The following UHRF2 variants were observed in gnomAD, a reference collection of about 807,000 sequenced individuals.
UHRF2 encodes ubiquitin like with PHD and ring finger domains 2.
In UHRF2, 23 loss-of-function variants were observed where a neutral mutation model predicts 96.8. That is an observed-to-expected ratio of 0.24 (90% confidence interval 0.17 to 0.34). The LOEUF is 0.34. Ranked by LOEUF, UHRF2 falls within the 10% of genes least tolerant of loss-of-function variation. UHRF2 has a pLI of 1.00. For missense variants in UHRF2, 685 were observed against 981.5 expected, an observed-to-expected ratio of 0.70 and a Z score of 4.04; for synonymous variants, 385 against 332.6, an observed-to-expected ratio of 1.16 and a Z score of -1.72.
chr9:6,428,569 T>A, intron 2 of UHRF2, among the ~76,000 whole-genome samples: 1 of 100,832 alleles, frequency 9.9e-6, no homozygotes, highest in East Asian at 3.4e-4. Context: ...TTTTTTTTTT[T>A]TTGAACGATC....
chr9:6,464,727 A>G (rs914557405), intron 4 of UHRF2, among the ~76,000 whole-genome samples: 21 of 152,130 alleles, frequency 1.4e-4, no homozygotes, highest in Non-Finnish European at 2.6e-4. Flanking sequence ...ATATTTGGTG[A>G]ATCCTTTTGA....
intron 3 of UHRF2, among the ~76,000 whole-genome samples, chr9:6,435,264 G>GA (rs1391775286): frequency 6.6e-6 from 1 of 152,080 alleles, no homozygotes; most frequent in Non-Finnish European, 1.5e-5. Context: ...AAAGTGCTGG[G>GA]ATTACAGGCG....
Position 6,481,695 on chromosome 9 carries a change from A to G in UHRF2, c.1213A>G (p.Arg405Gly). The stretch of plus-strand genomic sequence containing the variant: ...CAGTGAAGTTGTAAAGGCTGGTGAA[A>G]GACTCAAGATGAGTAAAAAGAAAGC... ...DSSEVVKAGE[R>G]LKMSKKKAKM... Residue 405 changes from arginine to glycine, a missense_variant, in exon 7 of 16, where the codon AGA becomes GGA. Physicochemically the swap from Arg to Gly is moderately radical, Grantham distance 125. This residue lies in a region of UHRF2 where 391 missense variants were observed against 437.0 expected (regional missense o/e 0.89). Transcript: ENST00000276893. 1 of 1,613,902 alleles carries G rather than the reference A, an allele frequency of 6.2e-7. No homozygotes were observed. Among genetic ancestry groups the G allele is most frequent in the Non-Finnish European group, 8.5e-7 (1 of 1,179,868 alleles).
At chr9:6,492,894 A>C (rs989660066) in intron 9 of UHRF2, 5 of 141,088 alleles carry the variant, frequency 3.5e-5, no homozygotes, top group African/African-American at 1.1e-4. Flanking sequence ...AGATTTTTCA[A>C]ATTTTTTCCA....
Position 6,413,420 on chromosome 9 carries a change from G to A in UHRF2, c.-71G>A. On this transcript the variant is annotated 5_prime_UTR_variant, in exon 1 of 16. Transcript: ENST00000276893. Reference sequence around the variant, plus strand: ...GCCCGAGCCGCAGGGAAAGCGGCGCGGGCCGGGCGGGGCGCGGCGCCCAGA... The same window carrying A: ...GCCCGAGCCGCAGGGAAAGCGGCGCAGGCCGGGCGGGGCGCGGCGCCCAGA... The A allele has an allele frequency of 7.7e-7, 1 of 1,297,572 alleles. No homozygotes were observed. The allele number at this position is 1,297,572 out of a possible 1,614,324, so 80.4% of individuals were successfully genotyped here.
chr9:6,429,625 C>T (rs1258632144), intron 2 of UHRF2, among the ~76,000 whole-genome samples: 1 of 152,166 alleles, frequency 6.6e-6, no homozygotes, highest in Non-Finnish European at 1.5e-5. Context: ...GCCACTGCAC[C>T]CGGGCTATAC....
chr9:6,442,195 C>A (rs1821207662), intron 3 of UHRF2, among the ~76,000 whole-genome samples: 2 of 152,252 alleles, frequency 1.3e-5, no homozygotes, highest in South Asian at 4.1e-4. Flanking sequence ...AAACTCCTGA[C>A]CTCAAGTGAT....
rs1322211634 is a variant in UHRF2 at position 6,422,736 on chromosome 9, A to G, written c.384+1594A>G. On this transcript the variant is annotated intron_variant, in intron 2 of 15. Transcript: ENST00000276893. ...GTGATCTTCCTGCTCGGCCTCCCAA[A>G]GTGCTGGGATACAGGCGTGAGCCAC... is the stretch of plus-strand genomic sequence containing the variant. 9 of 508,412 alleles carry G rather than the reference A, an allele frequency of 1.8e-5. No homozygotes were observed. The East Asian group carries it at 2.7e-4, about 15-fold the overall frequency. The allele number at this position is 508,412 out of a possible 1,614,324, so 31.5% of individuals were successfully genotyped here.
rs1332369553 is a variant in UHRF2 at position 6,433,906 on chromosome 9, T to C, written c.385-8T>C. Reference sequence around the variant, plus strand: ...AAGCTTCATTAACTGATTTTAAACTTTTTTTAGGTAAATGAATTGGTGGAT... The same window carrying C: ...AAGCTTCATTAACTGATTTTAAACTCTTTTTAGGTAAATGAATTGGTGGAT... On this transcript the variant is annotated splice_region_variant and splice_polypyrimidine_tract_variant and intron_variant, in intron 2 of 15. Transcript: ENST00000276893. The C allele has an allele frequency of 6.3e-7, 1 of 1,597,856 alleles. No individual in the cohort carries two copies. The highest frequency in any genetic ancestry group is 8.6e-7 in the Non-Finnish European group (1 of 1,168,924).
intron 4 of UHRF2, among the ~76,000 whole-genome samples, chr9:6,461,610 G>C (rs1464999324): frequency 6.6e-6 from 1 of 151,612 alleles, no homozygotes; most frequent in Non-Finnish European, 1.5e-5. Context: ...GCCCTCAAGT[G>C]ATGTACCCGC....
rs942335359 is a variant in UHRF2, at chr9:6,439,800, C to A, written c.644+5627C>A. On this transcript the variant is annotated intron_variant, in intron 3 of 15. Coordinates refer to ENST00000276893, the MANE Select transcript of UHRF2 (RefSeq NM_152896.3). The stretch of plus-strand genomic sequence containing the variant: ...AACTTGGCTGTGAGAACTACCTCCC[C>A]TTACCCAAACCCTGGTTACTGGAGA... 2.6e-5 allele frequency among the ~76,000 whole-genome samples: 4 copies of A among 152,174 alleles called. No homozygotes were observed. The East Asian group carries it at 7.7e-4, about 29-fold the overall frequency.
chr9:6,414,153 C>T (rs1047329196), intron 1 of UHRF2: 1 of 151,782 alleles, frequency 6.6e-6, no homozygotes, highest in Non-Finnish European at 1.5e-5. Context: ...AACCCTAACT[C>T]TGCTTCCTGA....
intron 14 of UHRF2, 122 bp from the exon 15 acceptor site, chr9:6,504,471 T>C (rs1009100062): frequency 6.5e-6 from 4 of 618,716 alleles, no homozygotes; most frequent in Non-Finnish European, 1.1e-5. Context: ...TATAAACATC[T>C]TTTATGCTGG....
intron 15 of UHRF2, among the ~76,000 whole-genome samples, chr9:6,505,736 CAGA>C (rs1816548221): frequency 2.0e-5 from 3 of 152,206 alleles, no homozygotes; most frequent in Non-Finnish European, 4.4e-5. Flanking sequence ...AAATCTAACC[CAGA>C]AGATTAGGCT....
chr9:6,455,704 G>A (rs555757075), intron 3 of UHRF2, among the ~76,000 whole-genome samples: 3 of 152,146 alleles, frequency 2.0e-5, no homozygotes, highest in South Asian at 2.1e-4. Context: ...GAAGAACCTG[G>A]CTCAGCATGA....
intron 3 of UHRF2, among the ~76,000 whole-genome samples, chr9:6,456,292 A>T (rs1331502964): frequency 6.6e-6 from 1 of 152,022 alleles, no homozygotes; most frequent in Non-Finnish European, 1.5e-5. Context: ...ACCAGTGATG[A>T]TGAGCTTTTT....
At chr9:6,423,496 C>G (rs1820054867) in intron 2 of UHRF2, among the ~76,000 whole-genome samples, 1 of 151,974 alleles carries the variant, frequency 6.6e-6, no homozygotes, top group Non-Finnish European at 1.5e-5. Context: ...TTACTTTAAG[C>G]AAATATGGTT....
rs574756673 is a variant in UHRF2, at chr9:6,469,749, C to T, written c.864-5642C>T. 6.7e-5 allele frequency among the ~76,000 whole-genome samples: 9 copies of T among 133,408 alleles called. No individual in the cohort carries two copies. The South Asian group carries it at 6.8e-4, about 10-fold the overall frequency. The allele number at this position is 133,408 out of a possible 152,430, so 87.5% of individuals were successfully genotyped here. A position where few individuals can be genotyped will look rare whatever the true frequency, so the allele number is the denominator to read the frequency against. ...GCATATATACGTGTATATATATACA[C>T]GTATATATACACACGTATATATGTG... On this transcript the variant is annotated intron_variant, in intron 4 of 15. Transcript: ENST00000276893.
Position 6,500,571 on chromosome 9 carries a change from C to T in UHRF2, c.2025C>T (p.Ser675=), listed in dbSNP as rs562184100. 2.5e-6 allele frequency: 4 copies of T among 1,612,174 alleles called. No individual in the cohort carries two copies. The highest frequency in any genetic ancestry group is 1.7e-5 in the Admixed American group (1 of 59,856). Reference sequence around the variant, plus strand: ...ATCTAGATGACTGTCCAAGTGCCTCCAAAGTGTACAAAGCATCAGATTCAG... The same window carrying T: ...ATCTAGATGACTGTCCAAGTGCCTCTAAAGTGTACAAAGCATCAGATTCAG... The part of the protein sequence containing the change: ...PISDDDCPSA[S]KVYKASDSAE... The change falls in exon 14 of 16, where the codon TCC becomes TCT. Residue 675 remains serine (S), a synonymous_variant. Coordinates refer to ENST00000276893, the MANE Select transcript of UHRF2 (RefSeq NM_152896.3).
Sources: gnomAD v4.1 joint callset for allele counts (sites outside exome capture counted in the v4.1 genomes callset) on GRCh38, gnomAD v4.1.1 for gene constraint, gnomAD v4.1.1 regional missense constraint, MANE v1.5 for transcripts, NCBI Gene and HGNC (gene_info 2026-07-23, HGNC 2026-07-21) for gene names.